Variants in RBFOX1 observed in about 807,000 individuals in gnomAD.
RBFOX1 encodes RNA binding protein fox-1 homolog 1.
In RBFOX1, 8 loss-of-function variants were observed where a neutral mutation model predicts 57.7. The ratio of observed to expected loss-of-function variants is 0.14; its 90% confidence interval spans 0.08 to 0.25. RBFOX1 has a LOEUF of 0.25. Among genes scored for constraint, RBFOX1 ranks in the 10% least tolerant of loss-of-function variants. The pLI, the probability that RBFOX1 is intolerant of heterozygous loss-of-function variation, is 1.00. For missense variants in RBFOX1, 611 were observed against 548.5 expected, an observed-to-expected ratio of 1.11 and a Z score of -1.14; for synonymous variants, 326 against 222.4, an observed-to-expected ratio of 1.47 and a Z score of -4.15.
At chr16:7,140,571 G>T (rs1219316302) in intron 4 of RBFOX1, among the ~76,000 whole-genome samples, 2 of 151,964 alleles carry the variant, frequency 1.3e-5, no homozygotes, top group Non-Finnish European at 2.9e-5. Context: ...GATGAATTTG[G>T]GGGCATCTTT....
rs565932517 is a variant in RBFOX1 at position 6,731,871 on chromosome 16, CCAAA to C, written c.-16+77230_-16+77233del. On this transcript the variant is annotated intron_variant, in intron 3 of 15. Transcript: ENST00000550418. Reference sequence around the variant, plus strand: ...GCTCATTGTCTGCCTCTAGGGGAATCCAAACAAACAAAGTATCTGGGTCTTCCTA... The same window carrying C: ...GCTCATTGTCTGCCTCTAGGGGAATCCAAACAAAGTATCTGGGTCTTCCTA... Among the ~76,000 whole-genome samples, 528 of 152,250 alleles carry C rather than the reference CCAAA, an allele frequency of 3.5e-3. 3 individuals carry two copies. The highest frequency in any genetic ancestry group is 0.012 in the African/African-American group (482 of 41,546).
At chr16:7,370,475 A>G (rs1464544128) in intron 4 of RBFOX1, among the ~76,000 whole-genome samples, 1 of 152,084 alleles carries the variant, frequency 6.6e-6, no homozygotes, top group Non-Finnish European at 1.5e-5. Context: ...TTTGTTTTTT[A>G]TCAACGCGGG....
chr16:7,357,934 T>G (rs937897642), intron 4 of RBFOX1, among the ~76,000 whole-genome samples: 2 of 152,194 alleles, frequency 1.3e-5, no homozygotes, highest in Admixed American at 6.5e-5. Context: ...TGCTGTTTTT[T>G]ACTTTTTACT....
intron 2 of RBFOX1, among the ~76,000 whole-genome samples, chr16:6,332,517 G>A (rs951358516): frequency 6.6e-6 from 1 of 152,208 alleles, no homozygotes; most frequent in Non-Finnish European, 1.5e-5. Flanking sequence ...GACTGACTGT[G>A]ACGATAGCTA....
intron 3 of RBFOX1, among the ~76,000 whole-genome samples, chr16:5,703,886 A>C (rs2051142503): frequency 6.6e-6 from 1 of 152,170 alleles, no homozygotes; most frequent in Non-Finnish European, 1.5e-5. Context: ...TGGCTTACAA[A>C]GGTGCTTAGC....
At position 7,402,393 on chromosome 16, in the gene RBFOX1, A is replaced by G. The variant is rs141104543; in HGVS notation, c.28-115754A>G. The stretch of plus-strand genomic sequence containing the variant: ...TCAGATTAAGGCATTGTACTTCTAT[A>G]CAAAGGAATATCATCTTTGAAAAGT... On this transcript the variant is annotated intron_variant, in intron 4 of 15. Coordinates refer to ENST00000550418, the MANE Select transcript of RBFOX1 (RefSeq NM_018723.4). 2.7e-3 allele frequency among the ~76,000 whole-genome samples: 415 copies of G among 152,348 alleles called. 3 individuals are homozygous for G. The highest frequency in any genetic ancestry group is 9.7e-3 in the African/African-American group (403 of 41,590).
chr16:5,556,579 T>G (rs148141149), intron 2 of RBFOX1, among the ~76,000 whole-genome samples: 2 of 152,198 alleles, frequency 1.3e-5, no homozygotes, highest in Non-Finnish European at 2.9e-5. Context: ...TGAGGGGAGA[T>G]GTTTACTGGG....
At chr16:5,559,925 C>G (rs956536080) in intron 2 of RBFOX1, among the ~76,000 whole-genome samples, 62 of 152,110 alleles carry the variant, frequency 4.1e-4, no homozygotes, top group African/African-American at 1.5e-3. Flanking sequence ...TCACCCTCCA[C>G]TTTGGGGCTT....
chr16:7,370,954 C>A (rs548126189), intron 4 of RBFOX1, among the ~76,000 whole-genome samples: 1 of 152,030 alleles, frequency 6.6e-6, no homozygotes, highest in Admixed American at 6.5e-5. Context: ...CATGGTGACC[C>A]CAGAAGCAAA....
At chr16:6,385,076 C>A (rs542589485) in intron 2 of RBFOX1, among the ~76,000 whole-genome samples, 1 of 152,306 alleles carries the variant, frequency 6.6e-6, no homozygotes, top group South Asian at 2.1e-4. Flanking sequence ...CAAAGCTTTT[C>A]AAACTCTCAG....
At chr16:6,631,943 G>T (rs1242673200) in intron 2 of RBFOX1, among the ~76,000 whole-genome samples, 1 of 152,220 alleles carries the variant, frequency 6.6e-6, no homozygotes, top group Non-Finnish European at 1.5e-5. Context: ...AGCGAAATGG[G>T]CAAAGAGCTA....
intron 5 of RBFOX1, among the ~76,000 whole-genome samples, chr16:7,555,865 A>C (rs989996336): frequency 2.0e-5 from 3 of 152,122 alleles, no homozygotes; most frequent in African/African-American, 7.2e-5. Flanking sequence ...CATGGTGCCT[A>C]TGCTTCCAAC....
chr16:7,340,356 A>G (rs529034673), intron 4 of RBFOX1, among the ~76,000 whole-genome samples: 1 of 152,208 alleles, frequency 6.6e-6, no homozygotes, highest in Admixed American at 6.5e-5. Context: ...ACTTGTTGCC[A>G]TTGATCATAT....
At chr16:7,662,069 C>A (rs1597524130) in intron 12 of RBFOX1, among the ~76,000 whole-genome samples, 1 of 152,140 alleles carries the variant, frequency 6.6e-6, no homozygotes, top group Admixed American at 6.5e-5. Flanking sequence ...TCAGCCTCAG[C>A]CATATCAAAG....
intron 3 of RBFOX1, among the ~76,000 whole-genome samples, chr16:5,795,261 G>A (rs2054838868): frequency 6.6e-6 from 1 of 151,778 alleles, no homozygotes; most frequent in Admixed American, 6.6e-5. Context: ...TTCCTGTTAA[G>A]GACCAAGATC....
intron 3 of RBFOX1, among the ~76,000 whole-genome samples, chr16:5,712,712 C>T (rs1427913175): frequency 2.0e-5 from 3 of 152,180 alleles, no homozygotes; most frequent in Non-Finnish European, 4.4e-5. Flanking sequence ...TAACAGAGTC[C>T]AGATTTTAAC....
intron 3 of RBFOX1, among the ~76,000 whole-genome samples, chr16:6,861,233 T>C (rs1225067120): frequency 6.6e-6 from 1 of 152,134 alleles, no homozygotes; most frequent in African/African-American, 2.4e-5. Flanking sequence ...TGTATTTGCA[T>C]GCTGAGTTTT....
At chr16:7,098,838 G>A (rs1233387490) in intron 4 of RBFOX1, among the ~76,000 whole-genome samples, 2 of 152,036 alleles carry the variant, frequency 1.3e-5, no homozygotes, top group Non-Finnish European at 2.9e-5. Flanking sequence ...TTCTAGTGAG[G>A]CACAGCTATA....
intron 3 of RBFOX1, among the ~76,000 whole-genome samples, chr16:6,676,417 A>C (rs2057699623): frequency 6.6e-6 from 1 of 152,062 alleles, no homozygotes; most frequent in Non-Finnish European, 1.5e-5. Flanking sequence ...AACTCTCAAT[A>C]GTAAATAAAG....
Sources: allele counts gnomAD v4.1 joint callset (sites outside exome capture counted in the v4.1 genomes callset), GRCh38; gene constraint gnomAD v4.1.1; transcripts MANE v1.5; gene names NCBI Gene and HGNC (gene_info 2026-07-23, HGNC 2026-07-21).